The following ZNF219 variants were observed in gnomAD, a reference collection of about 807,000 sequenced individuals.
ZNF219 encodes zinc finger protein 219.
In ZNF219, 17 loss-of-function variants were observed where a neutral mutation model predicts 54.4. That is an observed-to-expected ratio of 0.31 (90% CI 0.21 to 0.47). The LOEUF is 0.47. ZNF219 is among the 20% of genes least tolerant of loss of function. The pLI is 1.00. For missense variants in ZNF219, 1,014 were observed against 1,062.3 expected, an observed-to-expected ratio of 0.95 and a Z score of 0.63; for synonymous variants, 518 against 476.4, an observed-to-expected ratio of 1.09 and a Z score of -1.14.
chr14:21,098,108 C>T (rs959058126), intron 1 of ZNF219, among the ~76,000 whole-genome samples: 17 of 150,500 alleles, frequency 1.1e-4, no homozygotes, highest in South Asian at 4.2e-4. Flanking sequence ...CTTCCGAGGC[C>T]GCCACCCCCA....
chr14:21,095,837 T>C (rs1889255334), intron 1 of ZNF219, among the ~76,000 whole-genome samples: 1 of 152,156 alleles, frequency 6.6e-6, no homozygotes, highest in African/African-American at 2.4e-5. Context: ...TAGAAAGAGC[T>C]AATAGAAAAT....
In ZNF219 at chr14:21,090,610, G is replaced by T; in HGVS notation, c.2095C>A (p.Pro699Thr). 6.2e-7 allele frequency: 1 copy of T among 1,611,662 alleles called. No individual in the cohort carries two copies. The highest frequency in any genetic ancestry group is 8.5e-7 in the Non-Finnish European group (1 of 1,179,130). Reference protein sequence around the residue: ...RVPSGETPPSPSQEGEEGSGL... With the variant: ...RVPSGETPPSTSQEGEEGSGL... ...GAGCCCTCCTCCCCTTCCTGCGAAG[G>T]ACTGGGAGGGGTCTCTCCTGATGGT... Residue 699 changes from proline (P) to threonine (T), a missense_variant, in exon 5 of 5, where the codon CCT (proline) becomes ACT (threonine). By Grantham distance (38) the Pro-to-Thr change is conservative. Coordinates refer to ENST00000360947, the MANE Select transcript of ZNF219 (RefSeq NM_016423.3). This position sits in a 1 kb window ranked among gnomAD's most constrained non-coding sequence, Gnocchi z 4.4.
chr14:21,102,344 T>G (rs1301926518), upstream of ZNF219: 1 of 1,528,206 alleles, frequency 6.5e-7, no homozygotes, highest in Non-Finnish European at 8.9e-7. Context: ...AGGCTGCAAG[T>G]GGGGATTGAG....
At chr14:21,103,902 G>A (rs547971426), upstream of ZNF219, 2 of 152,502 alleles carry the variant, frequency 1.3e-5, no homozygotes, top group East Asian at 3.9e-4. Flanking sequence ...CCCCAGCCCT[G>A]CGCTGGCAGC....
At chr14:21,102,080 C>T (rs1889674439), upstream of ZNF219, 1 of 1,551,418 alleles carries the variant, frequency 6.4e-7, no homozygotes, top group Non-Finnish European at 8.7e-7. Flanking sequence ...CTCACTGGGA[C>T]TGTCACTCTG....
chr14:21,102,935 T>G, upstream of ZNF219: 1 of 1,358,920 alleles, frequency 7.4e-7, no homozygotes, highest in Non-Finnish European at 9.8e-7. Flanking sequence ...CTTTGAACAT[T>G]TCTCCCCTAA....
rs1231070557 is a variant in ZNF219, at chr14:21,092,273, GGGCAGGCCCGGA to G, written c.1012_1023del (p.Ser338_Ala341del). On this transcript the variant is annotated inframe_deletion, in exon 3 of 5. Transcript: ENST00000360947. ...CCGAGGTCAGGAGGCTGGGGGGCGC[GGGCAGGCCCGGA>G]GGCAGGCCCCGGGGCACGCAGTGGG... 3 of 1,486,892 alleles carry G rather than the reference GGGCAGGCCCGGA, an allele frequency of 2.0e-6. No individual in the cohort carries two copies. Among genetic ancestry groups the G allele is most frequent in the Middle Eastern group, 2.2e-4 (1 of 4,482 alleles). 92.1% of individuals were successfully genotyped at this position (1,486,892 alleles called of 1,614,324 possible). A position where few individuals can be genotyped will look rare whatever the true frequency, so the allele number is the denominator to read the frequency against.
upstream of ZNF219, chr14:21,101,582 G>T: frequency 1.2e-6 from 1 of 821,960 alleles, no homozygotes; most frequent in South Asian, 1.8e-5. Flanking sequence ...CTGAATGGGA[G>T]GAGGGTAGAG....
chr14:21,101,476 G>C (rs1300800442), upstream of ZNF219: 1 of 1,542,098 alleles, frequency 6.5e-7, no homozygotes, highest in Admixed American at 2.0e-5. Context: ...CCCCATCCCA[G>C]GTCTCAGCAT....
upstream of ZNF219, chr14:21,102,578 G>C: frequency 1.9e-6 from 3 of 1,551,328 alleles, no homozygotes; most frequent in South Asian, 1.2e-5. Context: ...GAAGGGAAAA[G>C]GGCAGGGGCA....
chr14:21,092,007 C>T lies in ZNF219; in HGVS notation c.1290G>A (p.Glu430=), dbSNP rs1451954787. 1.3e-6 allele frequency: 2 copies of T among 1,555,644 alleles called. No individual in the cohort carries two copies. Among genetic ancestry groups the T allele is most frequent in the South Asian group, 1.2e-5 (1 of 84,514 alleles). The change falls in exon 3 of 5, where the codon GAG becomes GAA. Residue 430 remains glutamate (E), a synonymous_variant. Coordinates refer to ENST00000360947, the MANE Select transcript of ZNF219 (RefSeq NM_016423.3). Reference sequence around the variant, plus strand: ...TTTCCTCCTCGGCCTCCACCACCTCCTCTTCTTCCTCAGGCTCCTCCGCAC... The same window carrying T: ...TTTCCTCCTCGGCCTCCACCACCTCTTCTTCTTCCTCAGGCTCCTCCGCAC... ...RHRAEEPEEE[E]EVVEAEEETW...
At position 21,092,292 on chromosome 14, in the gene ZNF219, C is replaced by A; in HGVS notation, c.1005G>T (p.Gly335=). 1 of 1,518,928 alleles carries A rather than the reference C, an allele frequency of 6.6e-7. No individual in the cohort carries two copies. Among genetic ancestry groups the A allele is most frequent in the Non-Finnish European group, 8.8e-7 (1 of 1,135,892 alleles). The allele number at this position is 1,518,928 out of a possible 1,614,324, so 94.1% of individuals were successfully genotyped here. ...ASKLGPLRAP[G]PASGPARAPQ... The stretch of plus-strand genomic sequence containing the variant: ...GGGCGCGGGCAGGCCCGGAGGCAGG[C>A]CCCGGGGCACGCAGTGGGCCCAGCT... The change falls in exon 3 of 5, where the codon GGG becomes GGT. Residue 335 remains glycine (G), a synonymous_variant. Coordinates refer to ENST00000360947, the MANE Select transcript of ZNF219 (RefSeq NM_016423.3).
At position 21,098,574 on chromosome 14, in the gene ZNF219, C is replaced by G. The variant is rs1889451301; in HGVS notation, c.-346G>C. 6.0e-6 allele frequency: 6 copies of G among 993,368 alleles called. No homozygotes were observed. The South Asian group carries it at 2.6e-4, about 42-fold the overall frequency. The allele number at this position is 993,368 out of a possible 1,614,324, so 61.5% of individuals were successfully genotyped here. ...CTGGGAGCCGCGCGGGAGCCGGGCT[C>G]TGGCTCCGGGGACAGGGAGCTGGGG... On this transcript the variant is annotated 5_prime_UTR_variant, in exon 1 of 5. Coordinates refer to ENST00000360947, the MANE Select transcript of ZNF219 (RefSeq NM_016423.3).
intron 1 of ZNF219, among the ~76,000 whole-genome samples, chr14:21,097,642 C>T (rs1363198305): frequency 6.6e-6 from 1 of 152,138 alleles, no homozygotes; most frequent in Admixed American, 6.5e-5. Flanking sequence ...GACCCCTCCC[C>T]AGGAAGATAA....
At chr14:21,096,990 G>C (rs2319626) in intron 1 of ZNF219, among the ~76,000 whole-genome samples, 29,073 of 151,998 alleles carry the variant, frequency 0.19, 3,127 homozygotes, top group Admixed American at 0.3. Flanking sequence ...GAGAATCCTA[G>C]ACCTCCCAAA....
rs1889449850 is a variant in ZNF219 at position 21,098,556 on chromosome 14, C to T, written c.-328G>A. 1.0e-6 allele frequency: 1 copy of T among 990,172 alleles called. No individual in the cohort carries two copies. The highest frequency in any genetic ancestry group is 1.2e-6 in the Non-Finnish European group (1 of 833,118). 61.3% of individuals were successfully genotyped at this position (990,172 alleles called of 1,614,324 possible). ...GGGGGCGGCGCGGCGGGGCTGGGAG[C>T]CGCGCGGGAGCCGGGCTCTGGCTCC... On this transcript the variant is annotated 5_prime_UTR_variant, in exon 1 of 5. Transcript: ENST00000360947.
chr14:21,093,058 G>C lies in ZNF219; in HGVS notation c.239C>G (p.Pro80Arg). ...SILALHLRAHPGAQAFQCPHC... is the reference protein window; with the variant it reads ...SILALHLRAHRGAQAFQCPHC... ...AGGGCACTGGAAGGCCTGGGCTCCT[G>C]GGTGCGCCCGCAGGTGCAAAGCAAG... is the stretch of plus-strand genomic sequence containing the variant. The change falls in exon 3 of 5, where the codon CCA (proline) becomes CGA (arginine). Residue 80 changes from proline (P) to arginine (R), a missense_variant. Pro to Arg is a moderately radical substitution (Grantham distance 103). Around this residue, in one of 5 missense-constraint regions of ZNF219, gnomAD observed 395 missense variants for 415.1 expected, o/e 0.95. Coordinates refer to ENST00000360947, the MANE Select transcript of ZNF219 (RefSeq NM_016423.3). The C allele has an allele frequency of 1.2e-6, 2 of 1,600,452 alleles. No homozygotes were observed. The highest frequency in any genetic ancestry group is 1.7e-6 in the Non-Finnish European group (2 of 1,175,368).
At chr14:21,102,685 G>A (rs1402655447), upstream of ZNF219, 1 of 1,551,476 alleles carries the variant, frequency 6.4e-7, no homozygotes, top group Non-Finnish European at 8.7e-7. Flanking sequence ...ACCCTAGGGG[G>A]AGTGCTGGTC....
chr14:21,103,034 A>G (rs1889745583), upstream of ZNF219: 2 of 1,528,384 alleles, frequency 1.3e-6, no homozygotes, highest in Admixed American at 2.0e-5. Flanking sequence ...TGGCAGGACT[A>G]TGGGAAACAG....
Sources: allele counts gnomAD v4.1 joint callset (sites outside exome capture counted in the v4.1 genomes callset), GRCh38; gene constraint gnomAD v4.1.1; regional missense constraint gnomAD v4.1.1; non-coding constraint Gnocchi (gnomAD v3.1); transcripts MANE v1.5; gene names NCBI Gene and HGNC (gene_info 2026-07-23, HGNC 2026-07-21).